NBAS: variants seen among roughly 807,000 people sequenced by gnomAD.
The protein encoded by NBAS is NBAS subunit of NRZ tethering complex.
A neutral mutation model predicts 302.5 loss-of-function variants in NBAS; 219 were observed. The ratio of observed to expected loss-of-function variants is 0.72; its 90% CI spans 0.65 to 0.81. NBAS has a LOEUF of 0.81. Ranked by LOEUF, NBAS falls within the 30% of genes least tolerant of loss-of-function variation. The pLI is 0.00. For missense variants in NBAS, 2,932 were observed against 2,841.6 expected (o/e 1.03, Z -0.72); for synonymous variants, 1,118 against 1,021.6 (o/e 1.09, Z -1.80).
chr2:15,260,325 C>G (rs1402952401), intron 44 of NBAS, among the ~76,000 whole-genome samples: 1 of 152,160 alleles, frequency 6.6e-6, no homozygotes, highest in Admixed American at 6.5e-5. Flanking sequence ...TAAGTGCAAC[C>G]TCAAAAAAGC....
At chr2:15,323,888 G>A (rs1204067058) in intron 38 of NBAS, among the ~76,000 whole-genome samples, 2 of 139,008 alleles carry the variant, frequency 1.4e-5, no homozygotes, top group Non-Finnish European at 3.1e-5. Context: ...AAAAAAACCC[G>A]GGCCCAACTC....
chr2:15,279,207 G>T lies in NBAS; in HGVS notation c.5139-2106C>A, dbSNP rs3792576. ...CAAAAGGAGGAAAGAAAACAAATTT[G>T]TATTTATCATGCTGATTACTTTCTT... On this transcript the variant is annotated intron_variant, in intron 42 of 51. Coordinates refer to ENST00000281513, the MANE Select transcript of NBAS (RefSeq NM_015909.4). Among the ~76,000 whole-genome samples the T allele has an allele frequency of 4.4e-3, 666 of 152,262 alleles. 11 individuals are homozygous for T. The highest frequency in any genetic ancestry group is 0.042 in the East Asian group (215 of 5,170).
At chr2:15,301,562 C>T (rs1014299049) in intron 40 of NBAS, among the ~76,000 whole-genome samples, 7 of 152,198 alleles carry the variant, frequency 4.6e-5, no homozygotes, top group African/African-American at 1.4e-4. Flanking sequence ...GGAGACAGCG[C>T]CAGATCTGAT....
At chr2:15,208,241 A>C (rs995346700) in intron 48 of NBAS, among the ~76,000 whole-genome samples, 9 of 152,198 alleles carry the variant, frequency 5.9e-5, no homozygotes, top group Non-Finnish European at 1.0e-4. Context: ...AGAGAAGGAA[A>C]AACCAAGTGG....
At chr2:15,551,677 T>C (rs907649456) in intron 5 of NBAS, 141 bp from the exon 6 acceptor site, 17 of 613,692 alleles carry the variant, frequency 2.8e-5, no homozygotes, top group Non-Finnish European at 5.0e-5. Context: ...GTGGCTCAAT[T>C]ATGACCCTTT....
At position 15,530,833 on chromosome 2, in the gene NBAS, A is replaced by C. The variant is rs112790772; in HGVS notation, c.746+3710T>G. On this transcript the variant is annotated intron_variant, in intron 9 of 51. Coordinates refer to ENST00000281513, the MANE Select transcript of NBAS (RefSeq NM_015909.4). Reference sequence around the variant, plus strand: ...CTAAAGTGAAGGGCCAGCACTGTGGATATTAATAAACCTACGCCAAGTCAT... The same window carrying C: ...CTAAAGTGAAGGGCCAGCACTGTGGCTATTAATAAACCTACGCCAAGTCAT... Among the ~76,000 whole-genome samples the C allele has an allele frequency of 8.8e-3, 1,339 of 152,230 alleles. 13 individuals carry two copies. The highest frequency in any genetic ancestry group is 0.03 in the African/African-American group (1,267 of 41,562).
the NBAS span, among the ~76,000 whole-genome samples, chr2:14,869,177 G>A: frequency 2.0e-5 from 3 of 152,122 alleles, no homozygotes; most frequent in Admixed American, 2.0e-4. Context: ...TTCCTATCTT[G>A]GTACCTGCCT....
At chr2:15,548,459 T>C (rs1234643611) in intron 6 of NBAS, among the ~76,000 whole-genome samples, 1 of 151,830 alleles carries the variant, frequency 6.6e-6, no homozygotes, top group Non-Finnish European at 1.5e-5. Context: ...CTGGCCAACA[T>C]AGTGAAACCG....
intron 13 of NBAS, among the ~76,000 whole-genome samples, chr2:15,477,268 A>AT (rs34924368): frequency 0.022 from 3,261 of 148,938 alleles, 74 homozygotes; most frequent in East Asian, 0.059. Context: ...AACTAAAAGC[A>AT]TTTTTTTTTT....
At chr2:15,252,030 G>C (rs780811025) in intron 44 of NBAS, among the ~76,000 whole-genome samples, 1 of 152,168 alleles carries the variant, frequency 6.6e-6, no homozygotes, top group Non-Finnish European at 1.5e-5. Context: ...GCTGATGACA[G>C]TATCATCATC....
chr2:15,489,163 A>G (rs1258581308), intron 11 of NBAS, 141 bp from the exon 12 acceptor site: 7 of 964,898 alleles, frequency 7.3e-6, no homozygotes, highest in Non-Finnish European at 1.1e-5. Flanking sequence ...ATCATTATAA[A>G]TGTACTTCAG....
intron 23 of NBAS, 21 bp from the exon 24 acceptor site, chr2:15,417,733 T>TAA (rs780586439): frequency 1.2e-6 from 2 of 1,606,752 alleles, no homozygotes; most frequent in South Asian, 2.2e-5. Context: ...AAAGCAACAA[T>TAA]AAGTTCCTGA....
intron 21 of NBAS, among the ~76,000 whole-genome samples, chr2:15,454,952 G>T (rs1239635125): frequency 6.7e-6 from 1 of 150,036 alleles, no homozygotes; most frequent in African/African-American, 2.5e-5. Flanking sequence ...CGTCAAGCTG[G>T]AGTGCAGTGG....
At position 15,475,590 on chromosome 2, in the gene NBAS, T is replaced by G. The variant is rs951772442; in HGVS notation, c.1341+97A>C. ...GATTCCAATCACAGATTTTTATTTT[T>G]AAAGAAAAGATAATAAGACAACTCA... On this transcript the variant is annotated intron_variant, in intron 14 of 51. Transcript: ENST00000281513. The G allele has an allele frequency of 8.2e-6, 10 of 1,226,782 alleles. No individual in the cohort carries two copies. In the African/African-American group the frequency reaches 1.5e-4, roughly 19 times the overall value. The allele number at this position is 1,226,782 out of a possible 1,614,324, so 76.0% of individuals were successfully genotyped here.
the NBAS span, among the ~76,000 whole-genome samples, chr2:15,096,676 C>T: frequency 6.6e-6 from 1 of 152,152 alleles, no homozygotes; most frequent in Admixed American, 6.5e-5. Flanking sequence ...ACCTATGACA[C>T]CAAGGAGCAG....
the NBAS span, among the ~76,000 whole-genome samples, chr2:15,080,794 T>G: frequency 2.0e-5 from 3 of 152,210 alleles, no homozygotes; most frequent in Non-Finnish European, 2.9e-5. Flanking sequence ...AGTTTCAGGA[T>G]AGTCACACTT....
intron 44 of NBAS, among the ~76,000 whole-genome samples, chr2:15,247,783 C>T (rs1355608248): frequency 1.5e-5 from 2 of 129,204 alleles, no homozygotes; most frequent in Admixed American, 7.5e-5. Context: ...TAAAGAGAAC[C>T]AATGACAATA....
the NBAS span, among the ~76,000 whole-genome samples, chr2:15,143,407 G>C: frequency 1.3e-5 from 2 of 152,174 alleles, no homozygotes; most frequent in African/African-American, 4.8e-5. Context: ...GGTTGACGGA[G>C]CAGTTTTGAT....
intron 28 of NBAS, among the ~76,000 whole-genome samples, chr2:15,385,824 A>G (rs1675263802): frequency 6.6e-6 from 1 of 152,190 alleles, no homozygotes. Flanking sequence ...ACATATTCAC[A>G]GTAAATAGAT....
Sources: gnomAD v4.1 joint callset for allele counts (sites outside exome capture counted in the v4.1 genomes callset) on GRCh38, gnomAD v4.1.1 for gene constraint, MANE v1.5 for transcripts, NCBI Gene and HGNC (gene_info 2026-07-23, HGNC 2026-07-21) for gene names.